EPB41L4A: variants seen among roughly 807,000 people sequenced by gnomAD.
EPB41L4A encodes the protein band 4.1-like protein 4A.
EPB41L4A carries 100 observed loss-of-function variants against 108.6 expected under a neutral mutation model. That is an observed-to-expected ratio of 0.92 (90% CI 0.78 to 1.09). The LOEUF is 1.09. Among genes scored for constraint, EPB41L4A ranks in the 50% least tolerant of loss-of-function variants. The pLI is 0.00. For synonymous variants in EPB41L4A, 319 were observed against 289.0 expected, an observed-to-expected ratio of 1.10 and a Z score of -1.05; for missense variants, 1,030 against 842.7, an observed-to-expected ratio of 1.22 and a Z score of -2.75.
chr5:112,258,208 T>C (rs754821025), intron 9 of EPB41L4A, among the ~76,000 whole-genome samples: 7 of 152,252 alleles, frequency 4.6e-5, no homozygotes, highest in Non-Finnish European at 8.8e-5. Context: ...GGTTTTCTGA[T>C]GTGGCAGCAC....
intron 9 of EPB41L4A, among the ~76,000 whole-genome samples, chr5:112,245,105 G>T (rs1750110844): frequency 2.2e-5 from 3 of 138,276 alleles, no homozygotes; most frequent in Non-Finnish European, 4.7e-5. Context: ...AAAGTGAAGT[G>T]CAAAAAAAAA....
chr5:112,181,031 A>G (rs574305176), intron 18 of EPB41L4A, among the ~76,000 whole-genome samples: 1 of 152,364 alleles, frequency 6.6e-6, no homozygotes, highest in African/African-American at 2.4e-5. Flanking sequence ...TAGAATGGCG[A>G]AAATTAACGC....
chr5:112,363,506 A>AGATC (rs1199498820), intron 1 of EPB41L4A: 2 of 152,414 alleles, frequency 1.3e-5, no homozygotes, highest in Non-Finnish European at 2.9e-5. Context: ...GTTATAAGGG[A>AGATC]GATCTTTGAC....
At chr5:112,237,133 G>T (rs1158606884) in intron 11 of EPB41L4A, among the ~76,000 whole-genome samples, 1 of 152,168 alleles carries the variant, frequency 6.6e-6, no homozygotes, top group Non-Finnish European at 1.5e-5. Context: ...TAAAGGCAAG[G>T]TTAATTTGTA....
intron 9 of EPB41L4A, among the ~76,000 whole-genome samples, chr5:112,258,308 C>G (rs76135580): frequency 0.015 from 2,356 of 152,250 alleles, 58 homozygotes; most frequent in African/African-American, 0.053. Flanking sequence ...AATACCATAC[C>G]CCAAATGTAG....
intron 1 of EPB41L4A, among the ~76,000 whole-genome samples, chr5:112,339,034 G>T (rs971081143): frequency 4.1e-4 from 2 of 4,880 alleles, no homozygotes; most frequent in African/African-American, 5.9e-4. Context: ...GTGACAGGGT[G>T]GGGGAGAATG....
chr5:112,413,110 T>C (rs745451767), intron 1 of EPB41L4A, among the ~76,000 whole-genome samples: 2 of 152,202 alleles, frequency 1.3e-5, no homozygotes, highest in Non-Finnish European at 2.9e-5. Flanking sequence ...CACTAAAGTA[T>C]GAGGATCTAT....
intron 9 of EPB41L4A, among the ~76,000 whole-genome samples, chr5:112,254,664 G>A (rs1336808615): frequency 6.6e-6 from 1 of 152,050 alleles, no homozygotes; most frequent in Non-Finnish European, 1.5e-5. Context: ...CACATCTCCA[G>A]AGGGAATAGG....
intron 1 of EPB41L4A, among the ~76,000 whole-genome samples, chr5:112,347,772 A>G (rs1757779105): frequency 6.6e-6 from 1 of 152,230 alleles, no homozygotes; most frequent in Non-Finnish European, 1.5e-5. Flanking sequence ...GAGCAGCCAC[A>G]GTAAAGGGGC....
At chr5:112,242,034 G>A (rs2150385096) in intron 9 of EPB41L4A, among the ~76,000 whole-genome samples, 1 of 152,330 alleles carries the variant, frequency 6.6e-6, no homozygotes, top group Non-Finnish European at 1.5e-5. Flanking sequence ...GTTGGTGGAA[G>A]GTACTGCCTC....
At chr5:112,226,686 T>C (rs1161225917) in intron 12 of EPB41L4A, among the ~76,000 whole-genome samples, 1 of 149,714 alleles carries the variant, frequency 6.7e-6, no homozygotes, top group Non-Finnish European at 1.5e-5. Flanking sequence ...AGGGTAGAGA[T>C]GTTGGTGTAA....
At chr5:112,306,144 T>C (rs1039958855) in intron 2 of EPB41L4A, among the ~76,000 whole-genome samples, 2 of 152,128 alleles carry the variant, frequency 1.3e-5, no homozygotes, top group African/African-American at 4.8e-5. Flanking sequence ...CAGAAAACTG[T>C]AGTTTTCTCT....
At chr5:112,284,107 T>C (rs181130013) in intron 2 of EPB41L4A, among the ~76,000 whole-genome samples, 2 of 152,306 alleles carry the variant, frequency 1.3e-5, no homozygotes, top group Admixed American at 6.5e-5. Context: ...GAAGTCAGTG[T>C]TGCCTAACAG....
chr5:112,250,899 T>C (rs891346707), intron 9 of EPB41L4A: 11 of 152,210 alleles, frequency 7.2e-5, no homozygotes, highest in African/African-American at 2.7e-4. Context: ...TAGGTGCTTG[T>C]AACCTCACAG....
rs939868380 is a variant in EPB41L4A at position 112,305,069 on chromosome 5, T to A, written c.204+2317A>T. ...AAGACTGCGCTGCTGCAATTTCAAT[T>A]ATCTTGAAAGTCAGGATATTACAGT... On this transcript the variant is annotated intron_variant, in intron 2 of 22. Coordinates refer to ENST00000261486, the MANE Select transcript of EPB41L4A (RefSeq NM_022140.5). 3.3e-5 allele frequency among the ~76,000 whole-genome samples: 5 copies of A among 152,128 alleles called. No homozygotes were observed. In the East Asian group the frequency reaches 5.8e-4, roughly 18 times the overall value.
chr5:112,144,573 G>C (rs1172029943), intron 13 of EPB41L4A, among the ~76,000 whole-genome samples: 2 of 152,122 alleles, frequency 1.3e-5, no homozygotes, highest in Admixed American at 6.6e-5. Flanking sequence ...CACCGCGCCT[G>C]GTCTTGGTTG....
intron 12 of EPB41L4A, among the ~76,000 whole-genome samples, chr5:112,153,167 C>T (rs1373464673): frequency 6.6e-6 from 1 of 151,206 alleles, no homozygotes; most frequent in Non-Finnish European, 1.5e-5. Context: ...TGCAGTGAGC[C>T]GAGATCAAAC....
intron 1 of EPB41L4A, among the ~76,000 whole-genome samples, chr5:112,315,857 A>T (rs1165002325): frequency 6.6e-6 from 1 of 152,188 alleles, no homozygotes; most frequent in Non-Finnish European, 1.5e-5. Context: ...ACAGTTAAGA[A>T]AATAAAAATA....
At chr5:112,384,356 T>C (rs712680) in intron 1 of EPB41L4A, among the ~76,000 whole-genome samples, 2,838 of 152,304 alleles carry the variant, frequency 0.019, 85 homozygotes, top group African/African-American at 0.064. Context: ...TTAAAAATCA[T>C]AGATTTAACT....
Sources: allele counts gnomAD v4.1 joint callset (sites outside exome capture counted in the v4.1 genomes callset), GRCh38; gene constraint gnomAD v4.1.1; transcripts MANE v1.5; gene names NCBI Gene and HGNC (gene_info 2026-07-23, HGNC 2026-07-21).